The following CD101 variants were observed in gnomAD, a reference collection of about 807,000 sequenced individuals.
CD101 encodes CD101 molecule.
In CD101, 76 loss-of-function variants were observed where a neutral mutation model predicts 98.2. The ratio of observed to expected loss-of-function variants is 0.77; its 90% CI spans 0.64 to 0.94. CD101 has a LOEUF of 0.94. Ranked by LOEUF, CD101 falls within the 40% of genes least tolerant of loss-of-function variation. CD101 has a pLI of 0.00. For missense variants in CD101, 1,145 were observed against 1,218.8 expected, an observed-to-expected ratio of 0.94 and a Z score of 0.90; for synonymous variants, 471 against 472.7, an observed-to-expected ratio of 1.00 and a Z score of 0.05.
At chr1:117,016,472 AT>A (rs1298659001) in intron 4 of CD101, among the ~76,000 whole-genome samples, 2 of 152,158 alleles carry the variant, frequency 1.3e-5, no homozygotes, top group Non-Finnish European at 2.9e-5. Context: ...ACCCTAATTA[AT>A]ATACTAAAAC....
rs1557771997 is a variant in CD101 at position 117,018,389 on chromosome 1, G to C, written c.1846G>C (p.Val616Leu). Reference protein sequence around the residue: ...FLSRFQKKTKVSQSLFRSQLL... With the variant: ...FLSRFQKKTKLSQSLFRSQLL... ...ATCCCGGTTCCAAAAGAAGACGAAA[G>C]TGTCGCAGTCTTTATTTCGTTCACA... is the stretch of plus-strand genomic sequence containing the variant. Residue 616 changes from valine (V) to leucine (L), a missense_variant, in exon 6 of 10, where the codon GTG (valine) becomes CTG (leucine). By Grantham distance (32) the Val-to-Leu change is conservative. Transcript: ENST00000682167. The surrounding 1 kb of genome is among the most constrained non-coding windows in gnomAD (Gnocchi z 4.3). 6.2e-7 allele frequency: 1 copy of C among 1,614,150 alleles called. No individual in the cohort carries two copies. Among genetic ancestry groups the C allele is most frequent in the Admixed American group, 1.7e-5 (1 of 60,016 alleles).
At chr1:117,014,874 A>G (rs892219164) in intron 4 of CD101, among the ~76,000 whole-genome samples, 4 of 152,212 alleles carry the variant, frequency 2.6e-5, no homozygotes, top group African/African-American at 9.7e-5. Context: ...GTTCGTTTTC[A>G]CACTAAACAT....
At position 117,021,758 on chromosome 1, in the gene CD101, G is replaced by C. The variant is rs1553187032; in HGVS notation, c.2203G>C (p.Val735Leu). 1 of 1,614,022 alleles carries C rather than the reference G, an allele frequency of 6.2e-7. No homozygotes were observed. The highest frequency in any genetic ancestry group is 1.3e-5 in the African/African-American group (1 of 75,008). ...LKILEMDQTN[V>L]IKTGDEFHTP... is the part of the protein sequence containing the mutation. ...GATCCTGGAGATGGACCAAACCAATGTTATAAAAACTGGGGATGAGTTTCA... is the reference window on the plus strand; with the variant it reads ...GATCCTGGAGATGGACCAAACCAATCTTATAAAAACTGGGGATGAGTTTCA... The change falls in exon 7 of 10, where the codon GTT becomes CTT. Residue 735 changes from valine to leucine, a missense_variant. By Grantham distance (32) the Val-to-Leu change is conservative. Transcript: ENST00000682167. This position sits in a 1 kb window ranked among gnomAD's most constrained non-coding sequence, Gnocchi z 4.7.
chr1:117,011,253 C>T (rs1407467616), intron 2 of CD101, among the ~76,000 whole-genome samples: 1 of 152,116 alleles, frequency 6.6e-6, no homozygotes, highest in Non-Finnish European at 1.5e-5. Flanking sequence ...GTGCTTTCTC[C>T]CTTTAAATAC....
chr1:117,025,735 C>T lies in CD101; in HGVS notation c.2655C>T (p.Tyr885=), dbSNP rs1653876291. 6.2e-7 allele frequency: 1 copy of T among 1,614,178 alleles called. No individual in the cohort carries two copies. The highest frequency in any genetic ancestry group is 8.5e-7 in the Non-Finnish European group (1 of 1,180,038). Residue 885 remains tyrosine (Y), a synonymous_variant, in exon 8 of 10, where the codon TAC becomes TAT. Coordinates refer to ENST00000682167, the MANE Select transcript of CD101 (RefSeq NM_001256106.3). The part of the protein sequence containing the change: ...EEGLRRHLHC[Y]RSSSTDFVLK... The stretch of plus-strand genomic sequence containing the variant: ...GGCTCAGGAGGCACCTGCACTGTTA[C>T]CGTTCATCCTCTACAGACTTTGTCC...
In CD101 at chr1:117,033,978, C is replaced by T; in HGVS notation, c.2943C>T (p.Ala981=). 1 of 1,614,128 alleles carries T rather than the reference C, an allele frequency of 6.2e-7. No individual in the cohort carries two copies. The highest frequency in any genetic ancestry group is 2.2e-5 in the East Asian group (1 of 44,880). ...LISLLCLYWK[A]RKLSTLRSNT... ...CCCTCCTCTGCTTATACTGGAAGGC[C>T]AGGAAGTTGTCAACACTGCGTTCCA... Residue 981 remains alanine, a synonymous_variant, in exon 9 of 10, where the codon GCC becomes GCT. Coordinates refer to ENST00000682167, the MANE Select transcript of CD101 (RefSeq NM_001256106.3). This position sits in a 1 kb window ranked among gnomAD's most constrained non-coding sequence, Gnocchi z 4.8.
Position 117,017,318 on chromosome 1 carries a change from T to A in CD101, c.1457T>A (p.Leu486Gln). 1 of 1,614,206 alleles carries A rather than the reference T, an allele frequency of 6.2e-7. No homozygotes were observed. The highest frequency in any genetic ancestry group is 8.5e-7 in the Non-Finnish European group (1 of 1,180,020). Residue 486 changes from leucine (L) to glutamine (Q), a missense_variant, in exon 5 of 10, where the codon CTG becomes CAG. By Grantham distance (113) the Leu-to-Gln change is moderately radical. Coordinates refer to ENST00000682167, the MANE Select transcript of CD101 (RefSeq NM_001256106.3). Reference protein sequence around the residue: ...GVPSYHGNTRLEKMDWATFQL... With the variant: ...GVPSYHGNTRQEKMDWATFQL... ...CCCAGTTACCATGGCAACACAAGGC[T>A]GGAGAAAATGGACTGGGCCACCTTC...
intron 1 of CD101, among the ~76,000 whole-genome samples, chr1:117,007,476 T>C (rs1652603704): frequency 6.6e-6 from 1 of 152,104 alleles, no homozygotes; most frequent in Non-Finnish European, 1.5e-5. Flanking sequence ...GCCTCTGGAA[T>C]AGCTAGGATT....
At position 117,013,554 on chromosome 1, in the gene CD101, T is replaced by C. The variant is rs1653013110; in HGVS notation, c.990T>C (p.Asp330=). ...ATGGGACTGAAATTGCTCACATTGA[T>C]GCTGGTGGAGTCCTGGGCCTGAAGA... is the stretch of plus-strand genomic sequence containing the variant. The part of the protein sequence containing the change: ...FFNGTEIAHI[D]AGGVLGLKND... The change falls in exon 4 of 10, where the codon GAT becomes GAC. Residue 330 remains aspartate (D), a synonymous_variant. Transcript: ENST00000682167. 1.9e-6 allele frequency: 3 copies of C among 1,614,054 alleles called. No homozygotes were observed. The highest frequency in any genetic ancestry group is 2.5e-6 in the Non-Finnish European group (3 of 1,180,028).
Position 117,029,891 on chromosome 1 carries a change from T to G in CD101, c.2825-3969T>G, listed in dbSNP as rs1403939220. Among the ~76,000 whole-genome samples, 2 of 152,240 alleles carry G rather than the reference T, an allele frequency of 1.3e-5. 1 individual carries two copies. The highest frequency in any genetic ancestry group is 2.9e-5 in the Non-Finnish European group (2 of 68,042). On this transcript the variant is annotated intron_variant, in intron 8 of 9. Coordinates refer to ENST00000682167, the MANE Select transcript of CD101 (RefSeq NM_001256106.3). ...TGGACCTTGCCTTTTCTTCTCTATC[T>G]TATTTCCTTATCAGTGACTAAGCTA...
chr1:117,008,836 G>A (rs1008365761), intron 1 of CD101, among the ~76,000 whole-genome samples: 3 of 152,076 alleles, frequency 2.0e-5, no homozygotes, highest in African/African-American at 7.2e-5. Flanking sequence ...AACTCCATAA[G>A]GCCAGCAATC....
At chr1:117,029,192 A>G (rs1287971048) in intron 8 of CD101, among the ~76,000 whole-genome samples, 1 of 72,552 alleles carries the variant, frequency 1.4e-5, no homozygotes, top group Non-Finnish European at 2.6e-5. Context: ...AGAAAGAAAG[A>G]AAGAAAGAAA....
At chr1:117,025,482 C>T in intron 7 of CD101, 27 bp from the exon 8 acceptor site, 1 of 1,506,586 alleles carries the variant, frequency 6.6e-7, no homozygotes, top group African/African-American at 1.4e-5. Context: ...TCTGCATTCT[C>T]TAATTTACTG....
Position 117,012,071 on chromosome 1 carries a change from T to A in CD101, c.841+105T>A. ...CTAATCTTTTGTTGGCTCTAAAAAA[T>A]TGGCTAGAAAGTTTGATTTAATTTT... On this transcript the variant is annotated intron_variant, in intron 3 of 9. Coordinates refer to ENST00000682167, the MANE Select transcript of CD101 (RefSeq NM_001256106.3). This position sits in a 1 kb window ranked among gnomAD's most constrained non-coding sequence, Gnocchi z 4.0. The A allele has an allele frequency of 1.8e-6, 2 of 1,087,850 alleles. No individual in the cohort carries two copies. Among genetic ancestry groups the A allele is most frequent in the South Asian group, 3.3e-5 (2 of 60,014 alleles). The allele number at this position is 1,087,850 out of a possible 1,614,324, so 67.4% of individuals were successfully genotyped here. A position where few individuals can be genotyped will look rare whatever the true frequency, so the allele number is the denominator to read the frequency against.
chr1:117,032,100 T>A (rs780349362), intron 8 of CD101: 2 of 152,186 alleles, frequency 1.3e-5, no homozygotes, highest in Non-Finnish European at 2.9e-5. Context: ...AAACCTAACT[T>A]TATCATTGCT....
In CD101 at chr1:117,006,883, G is replaced by A. The variant is rs12038289; in HGVS notation, c.44-2967G>A. Among the ~76,000 whole-genome samples, 39,077 of 151,996 alleles carry A rather than the reference G, an allele frequency of 0.26. 6,545 individuals are homozygous for A. The highest frequency in any genetic ancestry group is 0.62 in the East Asian group (3,191 of 5,180). ...CTCAAGCATGAGAAATACTATAAGT[G>A]GTTGAATAAATATTTATTGAATTGG... On this transcript the variant is annotated intron_variant, in intron 1 of 9. Transcript: ENST00000682167. The surrounding 1 kb of genome is among the most constrained non-coding windows in gnomAD (Gnocchi z 4.4).
chr1:117,008,554 A>G (rs1018585016), intron 1 of CD101, among the ~76,000 whole-genome samples: 9 of 152,194 alleles, frequency 5.9e-5, no homozygotes, highest in South Asian at 2.1e-4. Context: ...CTGAACATAC[A>G]TATATGAAAT....
At chr1:117,031,088 G>A (rs1654435993) in intron 8 of CD101, among the ~76,000 whole-genome samples, 1 of 152,204 alleles carries the variant, frequency 6.6e-6, no homozygotes, top group Non-Finnish European at 1.5e-5. Flanking sequence ...AGAGGCAGAT[G>A]GTGGGAAATG....
chr1:117,029,209 AAAGAAAAGAAAG>A lies in CD101; in HGVS notation c.2824+3308_2824+3319del, dbSNP rs1557778941. Among the ~76,000 whole-genome samples the A allele has an allele frequency of 4.5e-4, 39 of 87,604 alleles. 4 individuals carry two copies. The East Asian group carries it at 8.3e-3, about 19-fold the overall frequency. 57.5% of individuals were successfully genotyped at this position (87,604 alleles called of 152,430 possible). ...AAAGAAAGAAAGAAAGAAAGAAAAGAAAGAAAAGAAAGAAAGAAAGAAAGAAAGAAAGAAAGA... is the reference window on the plus strand; with the variant it reads ...AAAGAAAGAAAGAAAGAAAGAAAAGAAAAGAAAGAAAGAAAGAAAGAAAGA... On this transcript the variant is annotated intron_variant, in intron 8 of 9. Coordinates refer to ENST00000682167, the MANE Select transcript of CD101 (RefSeq NM_001256106.3).
Sources: gnomAD v4.1 joint callset for allele counts (sites outside exome capture counted in the v4.1 genomes callset) on GRCh38, gnomAD v4.1.1 for gene constraint, Gnocchi (gnomAD v3.1) non-coding constraint, MANE v1.5 for transcripts, NCBI Gene and HGNC (gene_info 2026-07-23, HGNC 2026-07-21) for gene names.